The following XPNPEP1 variants were observed in gnomAD, a reference collection of about 807,000 sequenced individuals.
The protein encoded by XPNPEP1 is X-prolyl aminopeptidase 1.
In XPNPEP1, 39 loss-of-function variants were observed where a neutral mutation model predicts 92.4. The observed-to-expected ratio is 0.42, with a 90% CI of 0.33 to 0.55. The LOEUF is 0.55. XPNPEP1 is among the 20% of genes least tolerant of loss of function. The pLI is 0.08. For synonymous variants in XPNPEP1, 307 were observed against 299.4 expected (o/e 1.03, Z -0.26); for missense variants, 654 against 856.1 (o/e 0.76, Z 2.95).
intron 8 of XPNPEP1, 133 bp from the exon 9 acceptor site, chr10:109,884,281 T>G (rs189360159): frequency 3.6e-5 from 30 of 823,266 alleles, no homozygotes; most frequent in Non-Finnish European, 5.5e-5. Context: ...ACAGAAAGGC[T>G]GGAAGCCTGA....
intron 12 of XPNPEP1, among the ~76,000 whole-genome samples, chr10:109,879,571 A>AAAAAT (rs1221062838): frequency 6.6e-6 from 1 of 152,096 alleles, no homozygotes; most frequent in Non-Finnish European, 1.5e-5. Context: ...CTCCGTCTCA[A>AAAAAT]AAAATAAAAT....
chr10:109,891,939 G>T, intron 4 of XPNPEP1, 113 bp from the exon 5 acceptor site: 1 of 906,462 alleles, frequency 1.1e-6, no homozygotes, highest in Non-Finnish European at 1.7e-6. Flanking sequence ...GCTCCTAGTG[G>T]GGCAGATGGG....
intron 20 of XPNPEP1, 26 bp downstream of exon 20, chr10:109,868,588 C>T (rs756676218): frequency 1.3e-6 from 2 of 1,581,274 alleles, no homozygotes; most frequent in Non-Finnish European, 1.7e-6. Context: ...TAGTAACATG[C>T]CTGCCCACCA....
intron 1 of XPNPEP1, among the ~76,000 whole-genome samples, chr10:109,915,498 T>C (rs1014943098): frequency 3.9e-5 from 6 of 152,196 alleles, no homozygotes; most frequent in African/African-American, 1.4e-4. Flanking sequence ...TAGGCCCTTA[T>C]TTTATAATTT....
In XPNPEP1 at chr10:109,888,160, T is replaced by G. The variant is rs1484303518; in HGVS notation, c.541A>C (p.Ser181Arg). 7.4e-6 allele frequency: 12 copies of G among 1,613,590 alleles called. No individual in the cohort carries two copies. Among genetic ancestry groups the G allele is most frequent in the Non-Finnish European group, 1.0e-5 (12 of 1,179,994 alleles). Residue 181 changes from serine to arginine, a missense_variant, in exon 7 of 21, where the codon AGT (serine) becomes CGT (arginine). Physicochemically the swap from Ser to Arg is moderately radical, Grantham distance 110 (BLOSUM62 -1). Coordinates refer to ENST00000502935, the MANE Select transcript of XPNPEP1 (RefSeq NM_020383.4). ...YWKKMAKVLR[S>R]AGHHLIPVKE... is the part of the protein sequence containing the mutation. ...ACAGGAATGAGGTGATGGCCGGCAC[T>G]TCTCAGAACTTTGGCCATTTTCTTC...
chr10:109,873,586 G>T, intron 15 of XPNPEP1, 159 bp from the exon 16 acceptor site: 1 of 721,556 alleles, frequency 1.4e-6, no homozygotes, highest in Non-Finnish European at 2.3e-6. Context: ...TCCTTAAAAG[G>T]TTAAATATAG....
chr10:109,913,338 A>T (rs978422638), intron 2 of XPNPEP1, among the ~76,000 whole-genome samples: 1 of 152,222 alleles, frequency 6.6e-6, no homozygotes, highest in South Asian at 2.1e-4. Context: ...CAGGAGCTCA[A>T]GAAATATTTG....
At chr10:109,910,496 A>G (rs1393312894) in intron 2 of XPNPEP1, among the ~76,000 whole-genome samples, 1 of 151,146 alleles carries the variant, frequency 6.6e-6, no homozygotes, top group Non-Finnish European at 1.5e-5. Context: ...GTGAGCCGAG[A>G]TCACACCATT....
intron 8 of XPNPEP1, chr10:109,884,351 G>C: frequency 3.6e-6 from 2 of 556,802 alleles, no homozygotes; most frequent in Admixed American, 3.4e-5. Flanking sequence ...GATGGCACCA[G>C]AGCTGTTTCT....
At chr10:109,869,888 T>A in intron 19 of XPNPEP1, 65 bp downstream of exon 19, 1 of 1,519,082 alleles carries the variant, frequency 6.6e-7, no homozygotes, top group South Asian at 1.1e-5. Flanking sequence ...TTGTAGCCAA[T>A]GAGGTCTATC....
intron 9 of XPNPEP1, among the ~76,000 whole-genome samples, chr10:109,883,559 C>T (rs1052175014): frequency 6.6e-6 from 1 of 152,150 alleles, no homozygotes; most frequent in Non-Finnish European, 1.5e-5. Flanking sequence ...TAGCACCTAA[C>T]AGAGACCCTT....
At chr10:109,880,634 T>C (rs560572387) in intron 11 of XPNPEP1, among the ~76,000 whole-genome samples, 1 of 152,290 alleles carries the variant, frequency 6.6e-6, no homozygotes, top group East Asian at 1.9e-4. Context: ...CATCAATATC[T>C]CCTTTTGTAT....
chr10:109,915,169 A>G (rs1850117539), intron 1 of XPNPEP1, 70 bp from the exon 2 acceptor site: 2 of 938,774 alleles, frequency 2.1e-6, no homozygotes. Flanking sequence ...CAGTTAGAGG[A>G]GGCATCGCTT....
At chr10:109,874,818 G>A (rs533063783) in intron 15 of XPNPEP1, among the ~76,000 whole-genome samples, 26 of 152,224 alleles carry the variant, frequency 1.7e-4, no homozygotes, top group African/African-American at 6.3e-4. Context: ...GCGTGGTGGC[G>A]GGCACCTGTA....
chr10:109,880,157 T>C (rs1016945586), intron 12 of XPNPEP1, 31 bp downstream of exon 12: 3 of 1,608,696 alleles, frequency 1.9e-6, no homozygotes, highest in Non-Finnish European at 2.6e-6. Context: ...ATAATGTATA[T>C]CCACATATTA....
intron 2 of XPNPEP1, among the ~76,000 whole-genome samples, chr10:109,909,883 C>G (rs1344491353): frequency 6.6e-6 from 1 of 152,120 alleles, no homozygotes; most frequent in Non-Finnish European, 1.5e-5. Context: ...CACACACAGC[C>G]CCCTGCCACT....
intron 3 of XPNPEP1, among the ~76,000 whole-genome samples, chr10:109,896,934 T>A (rs1034433348): frequency 3.9e-5 from 6 of 152,160 alleles, no homozygotes; most frequent in African/African-American, 1.4e-4. Flanking sequence ...TCCAGAACCA[T>A]AAGAGAATAA....
chr10:109,877,352 G>A (rs1847840453), intron 14 of XPNPEP1: 1 of 161,898 alleles, frequency 6.2e-6, no homozygotes, highest in South Asian at 1.7e-4. Context: ...TATAGTCCCA[G>A]CTACTCAGGA....
At chr10:109,909,331 T>TC (rs1849735480) in intron 2 of XPNPEP1, among the ~76,000 whole-genome samples, 1 of 151,786 alleles carries the variant, frequency 6.6e-6, no homozygotes, top group Non-Finnish European at 1.5e-5. Flanking sequence ...TCAAACGAAG[T>TC]CCCAAGGCTC....
Sources: gnomAD v4.1 joint callset for allele counts (sites outside exome capture counted in the v4.1 genomes callset) on GRCh38, gnomAD v4.1.1 for gene constraint, MANE v1.5 for transcripts, NCBI Gene and HGNC (gene_info 2026-07-23, HGNC 2026-07-21) for gene names.